Variants in RGS6 observed in about 807,000 individuals in gnomAD.
The protein encoded by RGS6 is regulator of G-protein signaling 6.
A neutral mutation model predicts 78.5 loss-of-function variants in RGS6; 30 were observed. That is an observed-to-expected ratio of 0.38 (90% CI 0.29 to 0.52). RGS6 has a LOEUF of 0.52. RGS6 is among the 20% of genes least tolerant of loss of function. The pLI is 0.85. For synonymous variants in RGS6, 206 were observed against 206.0 expected, an observed-to-expected ratio of 1.00 and a Z score of 0.00; for missense variants, 495 against 609.7, an observed-to-expected ratio of 0.81 and a Z score of 1.98.
chr14:72,475,297 C>T (rs780625431), intron 10 of RGS6, among the ~76,000 whole-genome samples: 2 of 138,078 alleles, frequency 1.4e-5, no homozygotes, highest in African/African-American at 2.7e-5. Flanking sequence ...ACTTGTGTTT[C>T]ACTTTACTCA....
At chr14:72,504,159 A>G (rs2096766243) in intron 13 of RGS6, among the ~76,000 whole-genome samples, 1 of 152,226 alleles carries the variant, frequency 6.6e-6, no homozygotes, top group Non-Finnish European at 1.5e-5. Flanking sequence ...GTCTTGAAGA[A>G]TAGTTCCTGG....
At chr14:72,177,255 T>C (rs1258118395) in intron 2 of RGS6, among the ~76,000 whole-genome samples, 1 of 152,248 alleles carries the variant, frequency 6.6e-6, no homozygotes, top group Non-Finnish European at 1.5e-5. Context: ...ATTCGAATTA[T>C]AGGTTCCATA....
chr14:72,098,345 C>G (rs1191390301), intron 2 of RGS6, among the ~76,000 whole-genome samples: 1 of 152,234 alleles, frequency 6.6e-6, no homozygotes, highest in Non-Finnish European at 1.5e-5. Context: ...TGCTTTTTCT[C>G]TGTCCCCTGA....
the RGS6 span, among the ~76,000 whole-genome samples, chr14:72,604,677 G>T: frequency 6.6e-6 from 1 of 152,138 alleles, no homozygotes; most frequent in Non-Finnish European, 1.5e-5. Context: ...AAAGGGGAGA[G>T]AATAAGAGGG....
intron 2 of RGS6, among the ~76,000 whole-genome samples, chr14:72,125,592 A>G (rs757907597): frequency 2.4e-4 from 36 of 152,160 alleles, no homozygotes; most frequent in Non-Finnish European, 3.2e-4. Context: ...CTCAAAGATG[A>G]GGTTTAGGAA....
intron 3 of RGS6, among the ~76,000 whole-genome samples, chr14:72,408,602 T>C (rs1393605369): frequency 1.3e-5 from 2 of 152,176 alleles, no homozygotes; most frequent in African/African-American, 4.8e-5. Context: ...GCCATGAGCG[T>C]TCACAGTTGA....
At chr14:72,055,595 G>T (rs1043855236) in intron 2 of RGS6, among the ~76,000 whole-genome samples, 2 of 151,988 alleles carry the variant, frequency 1.3e-5, no homozygotes, top group African/African-American at 4.8e-5. Context: ...CTAATGTCTG[G>T]ACCCCACCTC....
intron 5 of RGS6, among the ~76,000 whole-genome samples, chr14:72,459,313 G>A (rs2095714580): frequency 6.6e-6 from 1 of 152,170 alleles, no homozygotes. Context: ...AAAGGAACAT[G>A]GGCTTAGGTG....
the RGS6 span, among the ~76,000 whole-genome samples, chr14:72,614,666 G>A: frequency 5.3e-5 from 8 of 150,748 alleles, no homozygotes; most frequent in African/African-American, 1.7e-4. Context: ...CACAACCAAC[G>A]GGCGGCCTCA....
chr14:72,166,135 C>CACACACACAA (rs1555518813), intron 2 of RGS6, among the ~76,000 whole-genome samples: 1 of 60,736 alleles, frequency 1.6e-5, no homozygotes, highest in Non-Finnish European at 4.0e-5. Context: ...CACACACACA[C>CACACACACAA]ACAGACTGAC....
At chr14:72,575,691 A>G in the RGS6 span, among the ~76,000 whole-genome samples, 1 of 152,244 alleles carries the variant, frequency 6.6e-6, no homozygotes, top group Non-Finnish European at 1.5e-5. Context: ...CCACAAAGAA[A>G]TGATACATGT....
At chr14:71,920,976 G>C in the RGS6 span, among the ~76,000 whole-genome samples, 1 of 152,146 alleles carries the variant, frequency 6.6e-6, no homozygotes, top group African/African-American at 2.4e-5. Context: ...TGTTAAGGGG[G>C]TAATATCCAC....
intron 2 of RGS6, among the ~76,000 whole-genome samples, chr14:72,328,185 C>T (rs1197405343): frequency 1.3e-5 from 2 of 152,280 alleles, no homozygotes; most frequent in Middle Eastern, 3.4e-3. Context: ...GATGCTTGCC[C>T]ACACCAGTGA....
intron 3 of RGS6, among the ~76,000 whole-genome samples, chr14:72,367,661 A>T (rs1198626606): frequency 6.6e-6 from 1 of 152,228 alleles, no homozygotes; most frequent in Non-Finnish European, 1.5e-5. Flanking sequence ...TTTTATGAAT[A>T]CATTTCTGTC....
chr14:71,909,792 G>C, the RGS6 span, among the ~76,000 whole-genome samples: 21 of 152,108 alleles, frequency 1.4e-4, no homozygotes, highest in Admixed American at 1.3e-3. Flanking sequence ...ACAGGCAAGG[G>C]AGACCGGTTA....
intron 2 of RGS6, among the ~76,000 whole-genome samples, chr14:72,170,390 A>G (rs1289434711): frequency 6.6e-6 from 1 of 152,182 alleles, no homozygotes; most frequent in African/African-American, 2.4e-5. Context: ...AAATGTTCCT[A>G]GCTCCCTCAC....
At chr14:72,540,317 C>G (rs1284820997) in intron 17 of RGS6, 1 of 1,476,956 alleles carries the variant, frequency 6.8e-7, no homozygotes, top group African/African-American at 1.4e-5. Flanking sequence ...GCAGAAGGTG[C>G]ACCCTTGATC....
intron 3 of RGS6, among the ~76,000 whole-genome samples, chr14:72,447,000 A>G (rs1317735903): frequency 1.3e-5 from 2 of 152,122 alleles, no homozygotes; most frequent in African/African-American, 4.8e-5. Flanking sequence ...GCCAGGGACC[A>G]TTACCTGTTG....
chr14:72,040,655 C>G (rs571069382), intron 2 of RGS6, among the ~76,000 whole-genome samples: 1 of 152,116 alleles, frequency 6.6e-6, no homozygotes, highest in South Asian at 2.1e-4. Context: ...TTCTTTTTCC[C>G]CCTAGATTTG....
Sources: gnomAD v4.1 joint callset for allele counts (sites outside exome capture counted in the v4.1 genomes callset) on GRCh38, gnomAD v4.1.1 for gene constraint, MANE v1.5 for transcripts, NCBI Gene and HGNC (gene_info 2026-07-23, HGNC 2026-07-21) for gene names.